Variants in PCDH11X observed in about 807,000 individuals in gnomAD.
PCDH11X encodes protocadherin-11 X-linked.
A neutral mutation model predicts 53.3 loss-of-function variants in PCDH11X; 18 were observed. The observed-to-expected ratio is 0.34, with a 90% CI of 0.23 to 0.50. The LOEUF (loss-of-function observed/expected upper bound fraction) is 0.50. PCDH11X is among the 20% of genes least tolerant of loss of function. PCDH11X has a pLI of 0.98. For missense variants in PCDH11X, 570 were observed against 1,032.4 expected, an observed-to-expected ratio of 0.55 and a Z score of 6.14; for synonymous variants, 279 against 393.3, an observed-to-expected ratio of 0.71 and a Z score of 3.44.
chrX:92,351,163 TGTTTC>T (rs1411679245), intron 8 of PCDH11X, among the ~76,000 whole-genome samples: 1 of 112,083 alleles, frequency 8.9e-6, no homozygotes, highest in African/African-American at 3.2e-5. Context: ...CAGATATATC[TGTTTC>T]GTTTCAAGAA....
chrX:92,529,775 T>C (rs1223120502), intron 10 of PCDH11X, among the ~76,000 whole-genome samples: 1 of 108,599 alleles, frequency 9.2e-6, no homozygotes, highest in Non-Finnish European at 1.9e-5. Context: ...AAAGGTGCAG[T>C]GGTCTATTGT....
chrX:91,930,027 A>G, intron 6 of PCDH11X, among the ~76,000 whole-genome samples: 1 of 109,996 alleles, frequency 9.1e-6, no homozygotes, highest in African/African-American at 3.3e-5. Context: ...CTTAACTATT[A>G]TATAATTAGT....
intron 6 of PCDH11X, among the ~76,000 whole-genome samples, chrX:92,074,536 A>G (rs2063747423): frequency 8.9e-6 from 1 of 111,856 alleles, no homozygotes. Flanking sequence ...TTTTTTTCTT[A>G]GTGTGCTTCA....
At position 92,315,050 on chromosome X, in the gene PCDH11X, A is replaced by T. The variant is rs768442386; in HGVS notation, c.3144+51907A>T. ...TTCAAGTTCTAGCATGAATTTTAAG[A>T]ATCTTCATCAATGTCCCTGTGAAGT... is the stretch of plus-strand genomic sequence containing the variant. On this transcript the variant is annotated intron_variant, in intron 8 of 10. Transcript: ENST00000682573. 8.1e-5 allele frequency among the ~76,000 whole-genome samples: 9 copies of T among 110,979 alleles called. No homozygotes were observed. The South Asian group carries it at 2.7e-3, about 33-fold the overall frequency.
intron 7 of PCDH11X, among the ~76,000 whole-genome samples, chrX:92,249,337 T>C (rs776757594): frequency 8.9e-6 from 1 of 112,013 alleles, no homozygotes; most frequent in African/African-American, 3.2e-5. Flanking sequence ...TCAGTCAGAT[T>C]TTCACATGCC....
At chrX:92,545,466 G>T (rs1012493329) in intron 10 of PCDH11X, among the ~76,000 whole-genome samples, 1 of 99,016 alleles carries the variant, frequency 1.0e-5, no homozygotes, top group Non-Finnish European at 2.0e-5. Flanking sequence ...CAGTGGAGCC[G>T]TCTGGGCTCA....
At chrX:92,426,531 A>T (rs35040108) in intron 9 of PCDH11X, among the ~76,000 whole-genome samples, 3 of 109,092 alleles carry the variant, frequency 2.7e-5, no homozygotes, top group Non-Finnish European at 5.7e-5. Flanking sequence ...GCATCGAACT[A>T]TGTTTTCATT....
At chrX:92,465,744 ATTG>A (rs1471313422) in intron 9 of PCDH11X, among the ~76,000 whole-genome samples, 2 of 111,394 alleles carry the variant, frequency 1.8e-5, no homozygotes, top group Non-Finnish European at 3.8e-5. Context: ...ATGTTTTGGT[ATTG>A]TTCTCATGAT....
At chrX:92,189,652 A>T (rs1288257483) in intron 6 of PCDH11X, among the ~76,000 whole-genome samples, 1 of 112,033 alleles carries the variant, frequency 8.9e-6, no homozygotes, top group Non-Finnish European at 1.9e-5. Flanking sequence ...TGTCTTCCAC[A>T]ATAGTTAAAC....
At chrX:92,050,496 A>G (rs780260230) in intron 6 of PCDH11X, among the ~76,000 whole-genome samples, 4 of 107,791 alleles carry the variant, frequency 3.7e-5, no homozygotes, top group East Asian at 2.9e-4. Flanking sequence ...TGGATTCTGG[A>G]GCTAGACCGT....
At chrX:91,836,083 T>C (rs758650290) in intron 5 of PCDH11X, 39 bp downstream of exon 5, 1 of 1,142,443 alleles carries the variant, frequency 8.8e-7, no homozygotes, top group East Asian at 3.1e-5. Flanking sequence ...TATCATCTCA[T>C]TTTTTAAAGA....
At chrX:92,481,306 C>A (rs1226736338) in intron 10 of PCDH11X, among the ~76,000 whole-genome samples, 4 of 108,380 alleles carry the variant, frequency 3.7e-5, no homozygotes, top group Non-Finnish European at 7.7e-5. Context: ...ACACCCCACA[C>A]ACACACACCC....
At chrX:92,148,256 G>T (rs1194965711) in intron 6 of PCDH11X, among the ~76,000 whole-genome samples, 3 of 84,679 alleles carry the variant, frequency 3.5e-5, no homozygotes, top group Non-Finnish European at 6.6e-5. Flanking sequence ...TTGAGACAGA[G>T]TCTTGCTCAG....
At position 91,878,545 on chromosome X, in the gene PCDH11X, A is replaced by G. The variant is rs1343758918; in HGVS notation, c.2305A>G (p.Asn769Asp). The change falls in exon 6 of 11, where the codon AAT becomes GAT. Residue 769 changes from asparagine (N) to aspartate (D), a missense_variant. Coordinates refer to ENST00000682573, the MANE Select transcript of PCDH11X (RefSeq NM_032968.5). ...PDSLFSVVIV[N>D]LFVNESVTNA... ...TTCTCTCTTCAGTGTTGTAATTGTCAATCTGTTCGTGAATGAGTCGGTGAC... is the reference window on the plus strand; with the variant it reads ...TTCTCTCTTCAGTGTTGTAATTGTCGATCTGTTCGTGAATGAGTCGGTGAC... 1.7e-6 allele frequency: 2 copies of G among 1,211,416 alleles called. No homozygotes were observed.
At position 92,070,368 on chromosome X, in the gene PCDH11X, C is replaced by G. The variant is rs184628280; in HGVS notation, c.3034-131007C>G. 4.8e-3 allele frequency among the ~76,000 whole-genome samples: 539 copies of G among 111,356 alleles called. 4 individuals are homozygous for G. The highest frequency in any genetic ancestry group is 0.017 in the African/African-American group (515 of 30,618). On this transcript the variant is annotated intron_variant, in intron 6 of 10. Transcript: ENST00000682573. ...ATTTCTTATAGGACATGAAATCCCT[C>G]AGGTTTTGGTTGTGTGGGAAGGGCT...
intron 8 of PCDH11X, among the ~76,000 whole-genome samples, chrX:92,283,076 A>C: frequency 9.0e-6 from 1 of 110,500 alleles, no homozygotes; most frequent in Middle Eastern, 4.6e-3. Flanking sequence ...TCTCCTAAGC[A>C]AAAAAAATTA....
intron 9 of PCDH11X, among the ~76,000 whole-genome samples, chrX:92,457,097 G>A (rs954049595): frequency 1.3e-4 from 14 of 108,717 alleles, no homozygotes; most frequent in Admixed American, 5.0e-4. Context: ...TCAAGCAAAC[G>A]GATTTGATTT....
At chrX:92,260,152 G>T (rs774039963) in intron 7 of PCDH11X, among the ~76,000 whole-genome samples, 1 of 110,573 alleles carries the variant, frequency 9.0e-6, no homozygotes, top group South Asian at 4.0e-4. Flanking sequence ...GCCTAATTCA[G>T]CACTAGGACT....
chrX:91,919,909 TA>T (rs1941691538), intron 6 of PCDH11X, among the ~76,000 whole-genome samples: 1 of 111,851 alleles, frequency 8.9e-6, no homozygotes, highest in South Asian at 3.7e-4. Flanking sequence ...AACGTTCAGA[TA>T]TTTTTCAAAT....
Sources: allele counts gnomAD v4.1 joint callset (sites outside exome capture counted in the v4.1 genomes callset), GRCh38; gene constraint gnomAD v4.1.1; transcripts MANE v1.5; gene names NCBI Gene and HGNC (gene_info 2026-07-23, HGNC 2026-07-21).